The following GNAZ variants were observed in gnomAD, a reference collection of about 807,000 sequenced individuals.
The protein encoded by GNAZ is G protein subunit alpha z.
GNAZ carries 3 observed loss-of-function variants against 25.4 expected under a neutral mutation model. The ratio of observed to expected loss-of-function variants is 0.12; its 90% CI spans 0.05 to 0.30. The LOEUF (loss-of-function observed/expected upper bound fraction) is 0.30. GNAZ is among the 10% of genes least tolerant of loss of function. GNAZ has a pLI of 1.00. For missense variants in GNAZ, 241 were observed against 501.8 expected (o/e 0.48, Z 4.97); for synonymous variants, 211 against 205.7 (o/e 1.03, Z -0.22).
chr22:23,108,184 C>T (rs1375693014), intron 2 of GNAZ, among the ~76,000 whole-genome samples: 1 of 152,270 alleles, frequency 6.6e-6, no homozygotes, highest in African/African-American at 2.4e-5. Flanking sequence ...ACAGCTGCCA[C>T]ACCAAACGCC....
intron 2 of GNAZ, among the ~76,000 whole-genome samples, chr22:23,116,894 G>C (rs1271599880): frequency 6.6e-6 from 1 of 152,202 alleles, no homozygotes; most frequent in African/African-American, 2.4e-5. Context: ...ACCTGGGAGG[G>C]GGACAGGCCC....
chr22:23,123,375 G>A lies in GNAZ; in HGVS notation c.1012G>A (p.Asp338Asn), dbSNP rs777904768. ...CACCAGTAACATCCAGTTTGTCTTC[G>A]ACGCGGTGACAGACGTCATCATACA... ...TDTSNIQFVF[D>N]AVTDVIIQNN... The change falls in exon 3 of 3, where the codon GAC (aspartate) becomes AAC (asparagine). Residue 338 changes from aspartate to asparagine, a missense_variant. Coordinates refer to ENST00000615612, the MANE Select transcript of GNAZ (RefSeq NM_002073.4). The A allele has an allele frequency of 3.1e-6, 5 of 1,613,802 alleles. No homozygotes were observed. Among genetic ancestry groups the A allele is most frequent in the African/African-American group, 1.3e-5 (1 of 74,878 alleles).
intron 2 of GNAZ, among the ~76,000 whole-genome samples, chr22:23,117,516 C>T (rs1353416809): frequency 2.0e-5 from 3 of 152,222 alleles, no homozygotes; most frequent in South Asian, 2.1e-4. Context: ...CCTCAGCTGC[C>T]TCATGCTGGG....
At chr22:23,079,428 G>GAGAGGCAGCT (rs1319036001) in intron 1 of GNAZ, among the ~76,000 whole-genome samples, 1 of 152,186 alleles carries the variant, frequency 6.6e-6, no homozygotes, top group Non-Finnish European at 1.5e-5. Flanking sequence ...GATGGTGCTA[G>GAGAGGCAGCT]AGAGGCAGCT....
chr22:23,087,381 T>C (rs964532569), intron 1 of GNAZ, among the ~76,000 whole-genome samples: 1 of 152,112 alleles, frequency 6.6e-6, no homozygotes, highest in African/African-American at 2.4e-5. Flanking sequence ...GGAGGATCGC[T>C]TGAGCCCGGG....
rs2069103763 is a variant in GNAZ, at chr22:23,095,691, A to G, written c.-5A>G. 1 of 1,598,882 alleles carries G rather than the reference A, an allele frequency of 6.3e-7. No homozygotes were observed. Among genetic ancestry groups the G allele is most frequent in the South Asian group, 1.1e-5 (1 of 89,418 alleles). Reference sequence around the variant, plus strand: ...CTCCTTGTCTGGGCCCGCTGCTGCCAGACCATGGGATGTCGGCAAAGCTCA... The same window carrying G: ...CTCCTTGTCTGGGCCCGCTGCTGCCGGACCATGGGATGTCGGCAAAGCTCA... On this transcript the variant is annotated 5_prime_UTR_variant, in exon 2 of 3. Coordinates refer to ENST00000615612, the MANE Select transcript of GNAZ (RefSeq NM_002073.4).
At chr22:23,089,135 T>C (rs954456014) in intron 1 of GNAZ, among the ~76,000 whole-genome samples, 1 of 152,194 alleles carries the variant, frequency 6.6e-6, no homozygotes, top group Non-Finnish European at 1.5e-5. Context: ...AGTGAGGGGC[T>C]GGACTGCCGT....
rs1483835484 is a variant in GNAZ, at chr22:23,102,356, G to A, written c.723+5938G>A. Among the ~76,000 whole-genome samples the A allele has an allele frequency of 2.6e-5, 4 of 152,318 alleles. No homozygotes were observed. The East Asian group carries it at 7.7e-4, about 29-fold the overall frequency. On this transcript the variant is annotated intron_variant, in intron 2 of 2. Transcript: ENST00000615612. ...GCAGCATGTCCTGGCACCTATTTGA[G>A]GCCCTTGCTAGCACTTCAGTCCTTG...
chr22:23,123,702 A>G lies in GNAZ; in HGVS notation c.*271A>G. ...GTCGAGGTCTCTTGAAGACTTGAGA[A>G]GCTGTCACAAGGTCACTACAAGCCC... is the stretch of plus-strand genomic sequence containing the variant. On this transcript the variant is annotated 3_prime_UTR_variant, in exon 3 of 3. Coordinates refer to ENST00000615612, the MANE Select transcript of GNAZ (RefSeq NM_002073.4). 1 of 479,980 alleles carries G rather than the reference A, an allele frequency of 2.1e-6. No homozygotes were observed. The highest frequency in any genetic ancestry group is 3.6e-5 in the East Asian group (1 of 27,544). 29.7% of individuals were successfully genotyped at this position (479,980 alleles called of 1,614,324 possible).
chr22:23,074,527 G>C (rs2068461270), intron 1 of GNAZ, among the ~76,000 whole-genome samples: 1 of 152,188 alleles, frequency 6.6e-6, no homozygotes, highest in African/African-American at 2.4e-5. Context: ...CATGTGGCCA[G>C]AGGGAGAGCA....
At chr22:23,119,339 T>C (rs1426221835) in intron 2 of GNAZ, among the ~76,000 whole-genome samples, 2 of 152,220 alleles carry the variant, frequency 1.3e-5, no homozygotes, top group African/African-American at 4.8e-5. Flanking sequence ...CAGACCCAAA[T>C]ATGAGGCTCT....
rs1183195572 is a variant in GNAZ at position 23,071,811 on chromosome 22, G to T, written c.-450+1241G>T. 6.6e-6 allele frequency among the ~76,000 whole-genome samples: 1 copy of T among 152,238 alleles called. No homozygotes were observed. The highest frequency in any genetic ancestry group is 6.5e-5 in the Admixed American group (1 of 15,292). On this transcript the variant is annotated intron_variant, in intron 1 of 2. Transcript: ENST00000615612. The surrounding 1 kb of genome is among the most constrained non-coding windows in gnomAD (Gnocchi z 4.1). ...CTGGAGCTTGAAGGACATGGGCACA[G>T]CTAAGCTGGGCATTGTGGGCAGAGA...
At chr22:23,121,890 T>TTTG (rs143092310) in intron 2 of GNAZ, among the ~76,000 whole-genome samples, 4 of 151,682 alleles carry the variant, frequency 2.6e-5, no homozygotes, top group Non-Finnish European at 5.9e-5. Flanking sequence ...CCCAGCTAAT[T>TTTG]TTGTTGTTGT....
At chr22:23,097,917 G>A (rs922358884) in intron 2 of GNAZ, among the ~76,000 whole-genome samples, 1 of 152,270 alleles carries the variant, frequency 6.6e-6, no homozygotes, top group Non-Finnish European at 1.5e-5. Flanking sequence ...CGGGCACCAG[G>A]CCTGGCTCCC....
intron 1 of GNAZ, among the ~76,000 whole-genome samples, chr22:23,089,052 G>A (rs537349394): frequency 2.6e-5 from 4 of 152,154 alleles, no homozygotes; most frequent in African/African-American, 9.7e-5. Flanking sequence ...TCTTTCCGTC[G>A]CCCAAGCTCA....
chr22:23,081,257 G>C lies in GNAZ; in HGVS notation c.-450+10687G>C, dbSNP rs148297960. On this transcript the variant is annotated intron_variant, in intron 1 of 2. Transcript: ENST00000615612. ...TTGGAAAAAGTAAACGAGATGTCAC[G>C]CAAGGTGTGCTGTGGTTTAAGCAAG... Among the ~76,000 whole-genome samples the C allele has an allele frequency of 1.1e-3, 174 of 152,276 alleles. 2 individuals carry two copies. The highest frequency in any genetic ancestry group is 4.8e-3 in the Admixed American group (74 of 15,274).
chr22:23,095,566 C>A lies in GNAZ; in HGVS notation c.-130C>A. On this transcript the variant is annotated 5_prime_UTR_variant, in exon 2 of 3. It introduces an in-frame stop codon into an upstream open reading frame of the 5' UTR. Coordinates refer to ENST00000615612, the MANE Select transcript of GNAZ (RefSeq NM_002073.4). Reference sequence around the variant, plus strand: ...CAGGGGCTGCAGTGTGGCTCGGCCTCACCCCCCTGCTGGCACTGAGTGCCT... The same window carrying A: ...CAGGGGCTGCAGTGTGGCTCGGCCTAACCCCCCTGCTGGCACTGAGTGCCT... 1 of 1,016,140 alleles carries A rather than the reference C, an allele frequency of 9.8e-7. No individual in the cohort carries two copies. The highest frequency in any genetic ancestry group is 1.4e-6 in the Non-Finnish European group (1 of 706,148). The allele number at this position is 1,016,140 out of a possible 1,614,324, so 62.9% of individuals were successfully genotyped here.
chr22:23,085,754 T>C (rs1484324484), intron 1 of GNAZ, among the ~76,000 whole-genome samples: 4 of 152,138 alleles, frequency 2.6e-5, no homozygotes, highest in Admixed American at 2.6e-4. Context: ...CCCACTTGTG[T>C]CCCCAGGAGG....
chr22:23,075,757 G>A (rs2146254331), intron 1 of GNAZ, among the ~76,000 whole-genome samples: 1 of 152,276 alleles, frequency 6.6e-6, no homozygotes, highest in Middle Eastern at 3.4e-3. Context: ...TCATGGCCAT[G>A]GGGGACCGTG....
Sources: gnomAD v4.1 joint callset for allele counts (sites outside exome capture counted in the v4.1 genomes callset) on GRCh38, gnomAD v4.1.1 for gene constraint, Gnocchi (gnomAD v3.1) non-coding constraint, MANE v1.5 for transcripts, NCBI Gene and HGNC (gene_info 2026-07-23, HGNC 2026-07-21) for gene names.